Variants in WDPCP observed in about 807,000 individuals in gnomAD.
WDPCP encodes WD repeat containing planar cell polarity effector.
Under a neutral mutation model 93.1 loss-of-function variants are expected in WDPCP, and 71 were observed. The observed-to-expected ratio is 0.76, with a 90% confidence interval of 0.63 to 0.93. The LOEUF is 0.93. Among genes scored for constraint, WDPCP ranks in the 40% least tolerant of loss-of-function variants. The pLI is 0.00. For missense variants in WDPCP, 844 were observed against 887.4 expected (o/e 0.95, Z 0.62); for synonymous variants, 315 against 315.0 (o/e 1.00, Z 0.00).
intron 1 of WDPCP, among the ~76,000 whole-genome samples, chr2:63,510,243 C>G (rs567155101): frequency 6.6e-6 from 1 of 152,154 alleles, no homozygotes; most frequent in Non-Finnish European, 1.5e-5. Context: ...ACGATCAAGT[C>G]GGCTTCCTCC....
chr2:63,310,518 G>GA (rs907720368), intron 13 of WDPCP, among the ~76,000 whole-genome samples: 73 of 145,102 alleles, frequency 5.0e-4, no homozygotes, highest in Middle Eastern at 3.5e-3. Context: ...ATGGTTTTTG[G>GA]AAAAAAAAAA....
intron 1 of WDPCP, among the ~76,000 whole-genome samples, chr2:63,552,350 T>C (rs1005499872): frequency 4.6e-5 from 7 of 152,002 alleles, no homozygotes; most frequent in Non-Finnish European, 8.8e-5. Flanking sequence ...TATTTAATTT[T>C]AAAGATTCCA....
intron 2 of WDPCP, 78 bp from the exon 3 acceptor site, chr2:63,487,572 G>A: frequency 2.0e-6 from 2 of 1,015,720 alleles, no homozygotes; most frequent in South Asian, 2.8e-5. Context: ...ACTATATTAG[G>A]GGAAGGATAG....
intron 10 of WDPCP, among the ~76,000 whole-genome samples, chr2:63,386,784 T>C (rs149601442): frequency 2.6e-5 from 4 of 151,810 alleles, no homozygotes; most frequent in Non-Finnish European, 5.9e-5. Context: ...AAACCAAACG[T>C]CCATCAATAT....
intron 14 of WDPCP, among the ~76,000 whole-genome samples, chr2:63,244,078 G>A (rs529294751): frequency 3.3e-5 from 5 of 151,978 alleles, no homozygotes; most frequent in Admixed American, 3.3e-4. Flanking sequence ...AATATCAAAG[G>A]TCTCTCAAAA....
intron 12 of WDPCP, among the ~76,000 whole-genome samples, chr2:63,355,262 C>A (rs1689931121): frequency 6.6e-6 from 1 of 152,154 alleles, no homozygotes; most frequent in Non-Finnish European, 1.5e-5. Flanking sequence ...TGAAACCTTA[C>A]AGGCCAGAAG....
chr2:63,512,214 T>G (rs1339500781), intron 1 of WDPCP, among the ~76,000 whole-genome samples: 3 of 152,164 alleles, frequency 2.0e-5, no homozygotes. Flanking sequence ...CCAGTTAGGA[T>G]AGCAATCATT....
intron 2 of WDPCP, chr2:63,752,041 C>A: frequency 1.6e-6 from 1 of 623,796 alleles, no homozygotes; most frequent in South Asian, 1.5e-5. Context: ...GTTTCCAGAA[C>A]CACTTCAACC....
At chr2:63,698,585 A>G (rs1668996409) in intron 2 of WDPCP, among the ~76,000 whole-genome samples, 1 of 152,208 alleles carries the variant, frequency 6.6e-6, no homozygotes, top group Admixed American at 6.5e-5. Context: ...GTCAGGTAAC[A>G]GGGAGGCACT....
chr2:63,266,748 G>A (rs1413472327), intron 13 of WDPCP, among the ~76,000 whole-genome samples: 8 of 152,212 alleles, frequency 5.3e-5, no homozygotes, highest in East Asian at 3.9e-4. Flanking sequence ...GGAGGCTGCC[G>A]TCAGTCAAGA....
chr2:63,702,719 T>TA (rs949465088), intron 2 of WDPCP, among the ~76,000 whole-genome samples: 3 of 149,422 alleles, frequency 2.0e-5, no homozygotes, highest in African/African-American at 7.3e-5. Flanking sequence ...TTTTTTTTTT[T>TA]ACTTTTTTTT....
intron 3 of WDPCP, among the ~76,000 whole-genome samples, chr2:63,644,826 T>C (rs999218765): frequency 6.6e-6 from 1 of 152,202 alleles, no homozygotes; most frequent in Non-Finnish European, 1.5e-5. Context: ...TAATGATTTT[T>C]CGAGTTTCTG....
At chr2:63,550,230 C>T (rs1300316326) in intron 1 of WDPCP, among the ~76,000 whole-genome samples, 1 of 148,196 alleles carries the variant, frequency 6.7e-6, no homozygotes, top group Non-Finnish European at 1.5e-5. Context: ...CACACACACA[C>T]ACACACACAC....
chr2:63,542,958 A>G (rs1414607749), intron 1 of WDPCP, among the ~76,000 whole-genome samples: 1 of 152,140 alleles, frequency 6.6e-6, no homozygotes, highest in Non-Finnish European at 1.5e-5. Context: ...TAATTTATTC[A>G]TAAGCAATGA....
chr2:63,378,982 A>G (rs1692080840), intron 11 of WDPCP, among the ~76,000 whole-genome samples: 1 of 152,126 alleles, frequency 6.6e-6, no homozygotes, highest in African/African-American at 2.4e-5. Context: ...ATATATCTCT[A>G]TTGCAATTTT....
intron 1 of WDPCP, among the ~76,000 whole-genome samples, chr2:63,521,721 A>C (rs1650649138): frequency 2.0e-5 from 3 of 152,250 alleles, no homozygotes; most frequent in South Asian, 2.1e-4. Context: ...CAAAAGAATG[A>C]ATATACATTT....
chr2:63,633,780 G>T (rs149507207), intron 3 of WDPCP, among the ~76,000 whole-genome samples: 1 of 152,146 alleles, frequency 6.6e-6, no homozygotes, highest in East Asian at 1.9e-4. Flanking sequence ...GGTTAAATTC[G>T]GCCAGGTGCA....
intron 17 of WDPCP, among the ~76,000 whole-genome samples, chr2:63,129,236 A>C (rs1192120536): frequency 6.6e-6 from 1 of 152,216 alleles, no homozygotes; most frequent in Non-Finnish European, 1.5e-5. Context: ...GTTGCTATGA[A>C]CACAGGTGTG....
At chr2:63,744,417 A>G (rs1000572449) in intron 2 of WDPCP, among the ~76,000 whole-genome samples, 1 of 152,140 alleles carries the variant, frequency 6.6e-6, no homozygotes, top group Non-Finnish European at 1.5e-5. Context: ...TGTTGCTGCC[A>G]TCAAAGGAAC....
Sources: gnomAD v4.1 joint callset for allele counts (sites outside exome capture counted in the v4.1 genomes callset) on GRCh38, gnomAD v4.1.1 for gene constraint, MANE v1.5 for transcripts, NCBI Gene and HGNC (gene_info 2026-07-23, HGNC 2026-07-21) for gene names.